Variants in GRID1 observed in about 807,000 individuals in gnomAD.
GRID1 encodes glutamate ionotropic receptor delta type subunit 1.
GRID1 carries 28 observed loss-of-function variants against 98.0 expected under a neutral mutation model. The ratio of observed to expected loss-of-function variants is 0.29; its 90% CI spans 0.21 to 0.39. The LOEUF is 0.39. GRID1 is among the 10% of genes least tolerant of loss of function. The pLI, the probability that GRID1 is intolerant of heterozygous loss-of-function variation, is 1.00. For missense variants in GRID1, 1,111 were observed against 1,340.5 expected, an observed-to-expected ratio of 0.83 and a Z score of 2.67; for synonymous variants, 553 against 538.5, an observed-to-expected ratio of 1.03 and a Z score of -0.37.
intron 4 of GRID1, among the ~76,000 whole-genome samples, chr10:86,018,147 G>A (rs746053971): frequency 2.6e-5 from 4 of 152,258 alleles, no homozygotes; most frequent in South Asian, 2.1e-4. Context: ...CAGTCTGCTC[G>A]CCTCTGTTCC....
intron 8 of GRID1, among the ~76,000 whole-genome samples, chr10:85,802,836 T>C (rs1208747920): frequency 2.8e-5 from 2 of 70,308 alleles, no homozygotes; most frequent in East Asian, 3.6e-4. Context: ...CCAAGCAGAA[T>C]AAACACACAC....
chr10:85,840,257 G>A (rs1167643228), intron 8 of GRID1, among the ~76,000 whole-genome samples: 1 of 152,244 alleles, frequency 6.6e-6, no homozygotes, highest in Non-Finnish European at 1.5e-5. Context: ...CTCATTCTAT[G>A]AGGCCAGCAT....
chr10:86,290,175 A>C (rs1397529672), intron 2 of GRID1, among the ~76,000 whole-genome samples: 1 of 152,178 alleles, frequency 6.6e-6, no homozygotes, highest in Non-Finnish European at 1.5e-5. Context: ...ACATCTCCTC[A>C]TGCCTGCAAA....
chr10:85,599,802 A>AAAAAAAAAAAAAAT lies in GRID1; in HGVS notation c.*2470_*2471insATTTTTTTTTTTTT. On this transcript the variant is annotated 3_prime_UTR_variant, in exon 16 of 16. Transcript: ENST00000327946. ...GTAGAAAATTCTAAAAAAAAAAAAA[A>AAAAAAAAAAAAAAT]ATATATATATATATATATAAACATG... 6.2e-5 allele frequency: 4 copies of AAAAAAAAAAAAAAT among 65,000 alleles called. No individual in the cohort carries two copies. Among genetic ancestry groups the AAAAAAAAAAAAAAT allele is most frequent in the African/African-American group, 3.7e-4 (4 of 10,730 alleles). 4.0% of individuals were successfully genotyped at this position (65,000 alleles called of 1,614,324 possible).
At chr10:85,976,698 G>A (rs1842477802) in intron 4 of GRID1, among the ~76,000 whole-genome samples, 1 of 152,204 alleles carries the variant, frequency 6.6e-6, no homozygotes, top group African/African-American at 2.4e-5. Flanking sequence ...CAGTGTCCCT[G>A]CAGCAACCTG....
intron 2 of GRID1, among the ~76,000 whole-genome samples, chr10:86,244,463 C>A (rs544364039): frequency 6.6e-6 from 1 of 152,362 alleles, no homozygotes; most frequent in African/African-American, 2.4e-5. Flanking sequence ...CAGATTAAAT[C>A]GGGGATAATG....
At chr10:86,350,416 C>A (rs987880092) in intron 2 of GRID1, among the ~76,000 whole-genome samples, 14 of 152,154 alleles carry the variant, frequency 9.2e-5, no homozygotes, top group Non-Finnish European at 1.5e-4. Context: ...AGTGTCCAGG[C>A]TGGGGCTGGG....
rs1589393307 is a variant in GRID1, at chr10:86,163,167, T to G, written c.521-24143A>C. The stretch of plus-strand genomic sequence containing the variant: ...GCCCTTTATGCATCCCAGGTTGTCA[T>G]GGGGCAGGCTGGAGCCACTTGAAAC... On this transcript the variant is annotated intron_variant, in intron 3 of 15. Transcript: ENST00000327946. Among the ~76,000 whole-genome samples, 3 of 152,172 alleles carry G rather than the reference T, an allele frequency of 2.0e-5. No individual in the cohort carries two copies. In the South Asian group the frequency reaches 6.2e-4, roughly 32 times the overall value.
At chr10:85,735,968 A>G (rs2132666209) in intron 8 of GRID1, among the ~76,000 whole-genome samples, 1 of 130,930 alleles carries the variant, frequency 7.6e-6, no homozygotes, top group Non-Finnish European at 1.6e-5. Flanking sequence ...AAAGTGAAGA[A>G]GGGAGAGAGG....
At chr10:86,296,897 T>G (rs952376262) in intron 2 of GRID1, among the ~76,000 whole-genome samples, 1 of 152,122 alleles carries the variant, frequency 6.6e-6, no homozygotes, top group Non-Finnish European at 1.5e-5. Flanking sequence ...CAAGAAGATC[T>G]CATTCACAGA....
intron 2 of GRID1, among the ~76,000 whole-genome samples, chr10:86,241,782 C>A (rs58205988): frequency 6.6e-6 from 1 of 152,170 alleles, no homozygotes; most frequent in Non-Finnish European, 1.5e-5. Context: ...ACCACTGCCC[C>A]TGGGAGGCCA....
chr10:85,802,562 T>C (rs1842586381), intron 8 of GRID1, among the ~76,000 whole-genome samples: 1 of 152,006 alleles, frequency 6.6e-6, no homozygotes, highest in African/African-American at 2.4e-5. Context: ...ACTCATATTA[T>C]GCACAAAATT....
At chr10:85,612,100 C>T (rs1482466776) in intron 15 of GRID1, among the ~76,000 whole-genome samples, 2 of 152,168 alleles carry the variant, frequency 1.3e-5, no homozygotes, top group African/African-American at 4.8e-5. Flanking sequence ...GAAGAGACAG[C>T]ATAAGGACAG....
intron 2 of GRID1, among the ~76,000 whole-genome samples, chr10:86,303,836 C>G (rs1015947140): frequency 6.6e-6 from 1 of 152,210 alleles, no homozygotes; most frequent in Non-Finnish European, 1.5e-5. Flanking sequence ...TGAGCCGTTC[C>G]TGTCTCTCCT....
At chr10:86,190,891 TGA>T (rs1370656461) in intron 3 of GRID1, among the ~76,000 whole-genome samples, 21 of 151,484 alleles carry the variant, frequency 1.4e-4, no homozygotes, top group Admixed American at 1.2e-3. Flanking sequence ...CATGCATGCA[TGA>T]GTGTGTACGT....
intron 4 of GRID1, among the ~76,000 whole-genome samples, chr10:85,919,056 T>C (rs1379480999): frequency 1.3e-5 from 2 of 152,224 alleles, no homozygotes; most frequent in Non-Finnish European, 1.5e-5. Context: ...CCCTGCCTCT[T>C]GGCTTCAGGG....
intron 4 of GRID1, among the ~76,000 whole-genome samples, chr10:86,130,989 C>T (rs1235196524): frequency 6.6e-6 from 1 of 151,942 alleles, no homozygotes; most frequent in Non-Finnish European, 1.5e-5. Context: ...ACGTCCCTAT[C>T]ACACGTCCTG....
chr10:86,272,531 T>C lies in GRID1; in HGVS notation c.236-65883A>G, dbSNP rs79045117. On this transcript the variant is annotated intron_variant, in intron 2 of 15. Coordinates refer to ENST00000327946, the MANE Select transcript of GRID1 (RefSeq NM_017551.3). ...AGCAGAGCAGATATTATTCACAAAT[T>C]ATTGTGACTATCTGTTATAGGCTGT... Among the ~76,000 whole-genome samples, 148 of 152,280 alleles carry C rather than the reference T, an allele frequency of 9.7e-4. No homozygotes were observed. In the East Asian group the frequency reaches 0.023, roughly 24 times the overall value.
chr10:86,205,578 G>A (rs1846014326), intron 3 of GRID1, among the ~76,000 whole-genome samples: 1 of 152,338 alleles, frequency 6.6e-6, no homozygotes, highest in African/African-American at 2.4e-5. Flanking sequence ...TACTGTGGGG[G>A]AACCTGGGTG....
Sources: gnomAD v4.1 joint callset for allele counts (sites outside exome capture counted in the v4.1 genomes callset) on GRCh38, gnomAD v4.1.1 for gene constraint, MANE v1.5 for transcripts, NCBI Gene and HGNC (gene_info 2026-07-23, HGNC 2026-07-21) for gene names.